Variants in PLEKHA8 observed in about 807,000 individuals in gnomAD.
The protein encoded by PLEKHA8 is pleckstrin homology domain-containing family A member 8.
Under a neutral mutation model 68.2 loss-of-function variants are expected in PLEKHA8, and 36 were observed. The observed-to-expected ratio is 0.53, with a 90% CI of 0.40 to 0.70. The LOEUF (loss-of-function observed/expected upper bound fraction) is 0.70. Ranked by LOEUF, PLEKHA8 falls within the 30% of genes least tolerant of loss-of-function variation. The pLI, the probability that PLEKHA8 is intolerant of heterozygous loss-of-function variation, is 0.00. For synonymous variants in PLEKHA8, 211 were observed against 216.1 expected, an observed-to-expected ratio of 0.98 and a Z score of 0.20; for missense variants, 505 against 615.4, an observed-to-expected ratio of 0.82 and a Z score of 1.90.
intron 11 of PLEKHA8, 141 bp downstream of exon 11, chr7:30,062,168 T>C: frequency 1.1e-6 from 1 of 952,284 alleles, no homozygotes; most frequent in Non-Finnish European, 1.5e-6. Flanking sequence ...GCCTAATGAA[T>C]AATACCACCT....
chr7:30,080,855 G>GT lies in PLEKHA8; in HGVS notation c.*2073dup. On this transcript the variant is annotated 3_prime_UTR_variant, in exon 14 of 14. Coordinates refer to ENST00000449726, the MANE Select transcript of PLEKHA8 (RefSeq NM_001197026.2). ...CCTAAAACGGAAAAAGAAAAAGCCA[G>GT]TTTTTGCTTGTACTTTGAATGAAGA... is the stretch of plus-strand genomic sequence containing the variant. The GT allele has an allele frequency of 2.0e-6, 2 of 985,324 alleles. No individual in the cohort carries two copies. Among genetic ancestry groups the GT allele is most frequent in the South Asian group, 9.4e-5 (2 of 21,290 alleles). The allele number at this position is 985,324 out of a possible 1,614,324, so 61.0% of individuals were successfully genotyped here. A position where few individuals can be genotyped will look rare whatever the true frequency, so the allele number is the denominator to read the frequency against.
intron 13 of PLEKHA8, among the ~76,000 whole-genome samples, chr7:30,119,333 G>A (rs1258674134): frequency 1.3e-5 from 2 of 152,146 alleles, no homozygotes; most frequent in Admixed American, 6.5e-5. Context: ...CTCCTTTTTA[G>A]ATGAGAAAAT....
intron 12 of PLEKHA8, among the ~76,000 whole-genome samples, chr7:30,068,531 G>C (rs1794022251): frequency 6.6e-6 from 1 of 152,134 alleles, no homozygotes; most frequent in South Asian, 2.1e-4. Context: ...TGAGTTGCCT[G>C]TTCATGTATT....
At chr7:30,037,296 C>T (rs1583773095) in intron 1 of PLEKHA8, among the ~76,000 whole-genome samples, 1 of 151,418 alleles carries the variant, frequency 6.6e-6, no homozygotes, top group East Asian at 1.9e-4. Flanking sequence ...TTTAATTTCA[C>T]TTTTTTTTTC....
chr7:30,031,419 TAAA>T (rs1380580872), intron 1 of PLEKHA8, among the ~76,000 whole-genome samples: 1 of 152,092 alleles, frequency 6.6e-6, no homozygotes, highest in East Asian at 1.9e-4. Context: ...TTAGAGGAAA[TAAA>T]GAAGAACTTT....
chr7:30,028,959 ACCGTGTCG>A (rs1161003231), intron 1 of PLEKHA8, among the ~76,000 whole-genome samples, 157 bp downstream of exon 1: 1 of 152,146 alleles, frequency 6.6e-6, no homozygotes, highest in African/African-American at 2.4e-5. Flanking sequence ...CTCTCACGGG[ACCGTGTCG>A]CCGTGCAGGA....
At chr7:30,045,000 C>A in intron 1 of PLEKHA8, 85 bp from the exon 2 acceptor site, 1 of 863,622 alleles carries the variant, frequency 1.2e-6, no homozygotes, top group Non-Finnish European at 1.8e-6. Context: ...AACCCAGTAT[C>A]CTATGTTAGG....
chr7:30,099,363 A>C (rs765171234), intron 13 of PLEKHA8, among the ~76,000 whole-genome samples: 4 of 152,216 alleles, frequency 2.6e-5, no homozygotes, highest in Admixed American at 1.3e-4. Flanking sequence ...AATGGACATA[A>C]GACATACTCT....
chr7:30,071,529 C>T lies in PLEKHA8; in HGVS notation c.1301-2542C>T, dbSNP rs905818260. On this transcript the variant is annotated intron_variant, in intron 12 of 13. Transcript: ENST00000449726. ...CTGTAGCACTGCATACAGATAGCTA[C>T]TCTAGCAGTTATTGACTTATACAAT... Among the ~76,000 whole-genome samples, 5 of 152,212 alleles carry T rather than the reference C, an allele frequency of 3.3e-5. No individual in the cohort carries two copies. In the South Asian group the frequency reaches 1.0e-3, roughly 32 times the overall value.
At chr7:30,037,670 A>G (rs1349928094) in intron 1 of PLEKHA8, among the ~76,000 whole-genome samples, 2 of 152,146 alleles carry the variant, frequency 1.3e-5, no homozygotes, top group Non-Finnish European at 2.9e-5. Context: ...TTGTTAATGA[A>G]AAAGCACCTT....
downstream of PLEKHA8, chr7:30,129,906 C>G (rs1002658261): frequency 6.5e-6 from 1 of 154,518 alleles, no homozygotes; most frequent in Non-Finnish European, 1.4e-5. Context: ...GTGCTCTTTC[C>G]ATCAGCCAGT....
rs778995483 is a variant in PLEKHA8, at chr7:30,083,768, C to A, written c.*4981C>A. The A allele has an allele frequency of 1.0e-6, 1 of 984,926 alleles. No individual in the cohort carries two copies. The highest frequency in any genetic ancestry group is 1.2e-6 in the Non-Finnish European group (1 of 829,668). The allele number at this position is 984,926 out of a possible 1,614,324, so 61.0% of individuals were successfully genotyped here. A position where few individuals can be genotyped will look rare whatever the true frequency, so the allele number is the denominator to read the frequency against. On this transcript the variant is annotated 3_prime_UTR_variant, in exon 14 of 14. Coordinates refer to ENST00000449726, the MANE Select transcript of PLEKHA8 (RefSeq NM_001197026.2). ...TATGTGAGAATGTAAGAATAATATC[C>A]TGCTTGTTCTAAATAGTTCATATAT...
At chr7:30,036,188 G>T (rs1455073247) in intron 1 of PLEKHA8, among the ~76,000 whole-genome samples, 1 of 151,948 alleles carries the variant, frequency 6.6e-6, no homozygotes, top group Admixed American at 6.6e-5. Flanking sequence ...CCCAGAAGGT[G>T]GAGGTTGCAG....
chr7:30,063,967 C>G (rs1793637610), intron 12 of PLEKHA8, among the ~76,000 whole-genome samples: 1 of 152,186 alleles, frequency 6.6e-6, no homozygotes, highest in African/African-American at 2.4e-5. Context: ...GTTATATTCT[C>G]CCCTCTGTGT....
At chr7:30,104,124 G>A (rs546633822) in intron 13 of PLEKHA8, among the ~76,000 whole-genome samples, 21 of 152,276 alleles carry the variant, frequency 1.4e-4, no homozygotes, top group Admixed American at 4.6e-4. Flanking sequence ...AGTCACCAGG[G>A]TAATGCAAAA....
At chr7:30,072,887 C>A (rs1794344491) in intron 12 of PLEKHA8, among the ~76,000 whole-genome samples, 1 of 152,138 alleles carries the variant, frequency 6.6e-6, no homozygotes, top group Non-Finnish European at 1.5e-5. Context: ...GGAGATGATG[C>A]TTAGGAAATA....
intron 13 of PLEKHA8, chr7:30,115,919 CGTGT>C (rs1239894684): frequency 6.8e-6 from 1 of 147,028 alleles, no homozygotes; most frequent in Non-Finnish European, 1.5e-5. Context: ...TGCATGCGTG[CGTGT>C]ACATACATGT....
At chr7:30,084,690 T>C, downstream of PLEKHA8, 1 of 868,244 alleles carries the variant, frequency 1.2e-6, no homozygotes, top group Non-Finnish European at 1.4e-6. Flanking sequence ...TCTGCCTAAT[T>C]GAATATGTCA....
intron 13 of PLEKHA8, among the ~76,000 whole-genome samples, chr7:30,096,507 G>A (rs1364797718): frequency 3.9e-5 from 6 of 152,164 alleles, no homozygotes; most frequent in East Asian, 1.9e-4. Flanking sequence ...CTAATTGAAT[G>A]CCCTTTATTT....
Sources: allele counts gnomAD v4.1 joint callset (sites outside exome capture counted in the v4.1 genomes callset), GRCh38; gene constraint gnomAD v4.1.1; transcripts MANE v1.5; gene names NCBI Gene and HGNC (gene_info 2026-07-23, HGNC 2026-07-21).